Variants in HS3ST4 observed in about 807,000 individuals in gnomAD.
HS3ST4 encodes heparan sulfate-glucosamine 3-sulfotransferase 4.
Under a neutral mutation model 29.2 loss-of-function variants are expected in HS3ST4, and 17 were observed. The ratio of observed to expected loss-of-function variants is 0.58; its 90% CI spans 0.40 to 0.87. The LOEUF (loss-of-function observed/expected upper bound fraction) is 0.87. Ranked by LOEUF, HS3ST4 falls within the 40% of genes least tolerant of loss-of-function variation. HS3ST4 has a pLI of 0.00. For synonymous variants in HS3ST4, 314 were observed against 285.7 expected (o/e 1.10, Z -1.00); for missense variants, 627 against 634.5 (o/e 0.99, Z 0.13).
At chr16:25,805,903 T>C (rs1966986219) in intron 1 of HS3ST4, among the ~76,000 whole-genome samples, 1 of 152,116 alleles carries the variant, frequency 6.6e-6, no homozygotes, top group Admixed American at 6.5e-5. Flanking sequence ...CCCCTTTCTG[T>C]GTCCATGTGT....
chr16:25,873,045 G>T (rs1470030050), intron 1 of HS3ST4, among the ~76,000 whole-genome samples: 1 of 152,058 alleles, frequency 6.6e-6, no homozygotes, highest in African/African-American at 2.4e-5. Flanking sequence ...TGTTGACATT[G>T]GCTCAGAATG....
chr16:25,728,550 G>A (rs1398902201), intron 1 of HS3ST4, among the ~76,000 whole-genome samples: 2 of 152,208 alleles, frequency 1.3e-5, no homozygotes, highest in African/African-American at 2.4e-5. Context: ...TTATGATGAT[G>A]ATGATGATTA....
intron 1 of HS3ST4, among the ~76,000 whole-genome samples, chr16:25,742,694 C>A (rs1966662742): frequency 1.3e-5 from 2 of 152,208 alleles, no homozygotes; most frequent in African/African-American, 4.8e-5. Flanking sequence ...TGGCTATTTC[C>A]ATGCTTAGCT....
chr16:25,789,296 C>T (rs1403478347), intron 1 of HS3ST4, among the ~76,000 whole-genome samples: 1 of 151,810 alleles, frequency 6.6e-6, no homozygotes, highest in Non-Finnish European at 1.5e-5. Flanking sequence ...TCCATCTCCT[C>T]TTCTTTCTTT....
intron 1 of HS3ST4, among the ~76,000 whole-genome samples, chr16:26,039,392 A>G (rs1425850551): frequency 6.6e-6 from 1 of 152,156 alleles, no homozygotes; most frequent in East Asian, 1.9e-4. Context: ...ATTTTCTATT[A>G]GTATTTGCAG....
At chr16:25,857,652 T>C (rs1474695830) in intron 1 of HS3ST4, among the ~76,000 whole-genome samples, 1 of 152,210 alleles carries the variant, frequency 6.6e-6, no homozygotes, top group Non-Finnish European at 1.5e-5. Flanking sequence ...CTTAAAGGTT[T>C]GACAGGACTA....
chr16:26,099,166 T>A (rs982677903), intron 1 of HS3ST4, among the ~76,000 whole-genome samples: 2 of 152,200 alleles, frequency 1.3e-5, no homozygotes, highest in Non-Finnish European at 2.9e-5. Flanking sequence ...AGAGCTAATT[T>A]TTTTTAGAGA....
At chr16:25,909,303 C>T (rs1968212417) in intron 1 of HS3ST4, among the ~76,000 whole-genome samples, 1 of 152,158 alleles carries the variant, frequency 6.6e-6, no homozygotes. Flanking sequence ...ATTCTCCTTC[C>T]TCAGCCTCCC....
intron 1 of HS3ST4, among the ~76,000 whole-genome samples, chr16:25,887,811 C>A (rs941847284): frequency 6.6e-6 from 1 of 150,890 alleles, no homozygotes; most frequent in African/African-American, 2.4e-5. Flanking sequence ...CATTCTCCTG[C>A]CTCAGCCTCC....
chr16:25,980,824 C>T (rs1449833471), intron 1 of HS3ST4, among the ~76,000 whole-genome samples: 1 of 152,174 alleles, frequency 6.6e-6, no homozygotes, highest in African/African-American at 2.4e-5. Flanking sequence ...TGGGGAAGAA[C>T]TAGGGTCAGG....
intron 1 of HS3ST4, among the ~76,000 whole-genome samples, chr16:25,829,926 C>T (rs183000546): frequency 8.1e-4 from 123 of 152,210 alleles, no homozygotes; most frequent in African/African-American, 2.8e-3. Flanking sequence ...GGGGTCCAAG[C>T]GAGTCTCCCA....
intron 1 of HS3ST4, among the ~76,000 whole-genome samples, chr16:25,703,297 C>G (rs1205411691): frequency 6.6e-6 from 1 of 151,888 alleles, no homozygotes; most frequent in African/African-American, 2.4e-5. Flanking sequence ...GATGGAGGTT[C>G]GAATCTGATG....
Position 26,066,351 on chromosome 16 carries a change from G to A in HS3ST4, c.735-69261G>A, listed in dbSNP as rs571673364. The stretch of plus-strand genomic sequence containing the variant: ...GAATTTGTAAAGAGGTGGGAGGAAC[G>A]GTATTCTCTCGCAAGAGAGATGGAA... On this transcript the variant is annotated intron_variant, in intron 1 of 1. Coordinates refer to ENST00000331351, the MANE Select transcript of HS3ST4 (RefSeq NM_006040.3). 6.6e-5 allele frequency among the ~76,000 whole-genome samples: 10 copies of A among 152,218 alleles called. No homozygotes were observed. In the South Asian group the frequency reaches 1.7e-3, roughly 25 times the overall value.
intron 1 of HS3ST4, among the ~76,000 whole-genome samples, chr16:25,939,304 TTTA>T (rs201242715): frequency 0.051 from 5,800 of 114,508 alleles, 385 homozygotes; most frequent in African/African-American, 0.18. Flanking sequence ...GCTGACAGCA[TTTA>T]TTATTATTAT....
At chr16:25,973,790 A>G (rs1045933697) in intron 1 of HS3ST4, among the ~76,000 whole-genome samples, 1 of 152,146 alleles carries the variant, frequency 6.6e-6, no homozygotes, top group Non-Finnish European at 1.5e-5. Flanking sequence ...TCTTACCCCT[A>G]TTGTATAGGT....
chr16:25,735,120 A>C (rs1004280049), intron 1 of HS3ST4, among the ~76,000 whole-genome samples: 3 of 152,172 alleles, frequency 2.0e-5, no homozygotes, highest in African/African-American at 7.2e-5. Flanking sequence ...ACTGCCTTCA[A>C]CCCTTGGGTA....
Position 26,136,265 on chromosome 16 carries a change from G to A in HS3ST4, c.*17G>A, listed in dbSNP as rs199691919. 167 of 1,600,746 alleles carry A rather than the reference G, an allele frequency of 1.0e-4. No homozygotes were observed. The highest frequency in any genetic ancestry group is 1.7e-4 in the Middle Eastern group (1 of 6,034). On this transcript the variant is annotated 3_prime_UTR_variant, in exon 2 of 2. Coordinates refer to ENST00000331351, the MANE Select transcript of HS3ST4 (RefSeq NM_006040.3). ...GATAAATGAGGCTAGAGAGGCAGAG[G>A]AAGGCTAGTCAATAAGCTAAGGAGG...
rs1966266941 is a variant in HS3ST4 at position 25,692,922 on chromosome 16, G to T, written c.505G>T (p.Glu169Ter). The change falls in exon 1 of 2, where the codon GAG (glutamate) becomes TAG (stop). Residue 169 changes from glutamate to a stop codon, truncating the protein, a stop_gained. Transcript: ENST00000331351. LOFTEE classifies it high-confidence loss of function. Reference protein sequence around the residue: ...REAQESSTTDEDLAGRRAANG... With the variant: ...REAQESSTTD ...AGCGCAGGAGTCCAGCACCACCGAC[G>T]AGGATCTCGCAGGCCGGAGAGCGGC... is the stretch of plus-strand genomic sequence containing the variant. 2 of 1,604,348 alleles carry T rather than the reference G, an allele frequency of 1.2e-6. No individual in the cohort carries two copies. The highest frequency in any genetic ancestry group is 8.5e-7 in the Non-Finnish European group (1 of 1,176,234).
chr16:25,758,468 G>C lies in HS3ST4; in HGVS notation c.734+65317G>C, dbSNP rs112267810. Among the ~76,000 whole-genome samples the C allele has an allele frequency of 3.1e-3, 477 of 152,236 alleles. 2 individuals are homozygous for C. Among genetic ancestry groups the C allele is most frequent in the Non-Finnish European group, 5.0e-3 (341 of 68,010 alleles). ...TCGAACCAAGTCTGCTCCCTTTAGGGTCCTTCTTTCCATGTGGGTGTAACT... is the reference window on the plus strand; with the variant it reads ...TCGAACCAAGTCTGCTCCCTTTAGGCTCCTTCTTTCCATGTGGGTGTAACT... On this transcript the variant is annotated intron_variant, in intron 1 of 1. Transcript: ENST00000331351.
Sources: gnomAD v4.1 joint callset for allele counts (sites outside exome capture counted in the v4.1 genomes callset) on GRCh38, gnomAD v4.1.1 for gene constraint, MANE v1.5 for transcripts, NCBI Gene and HGNC (gene_info 2026-07-23, HGNC 2026-07-21) for gene names.